The following NWD2 variants were observed in gnomAD, a reference collection of about 807,000 sequenced individuals.
NWD2 encodes the protein NACHT and WD repeat domain containing 2, also known as NACHT and WD repeat domain-containing protein 2.
NWD2 carries 37 observed loss-of-function variants against 132.7 expected under a neutral mutation model. That is an observed-to-expected ratio of 0.28 (90% CI 0.21 to 0.37). The LOEUF (loss-of-function observed/expected upper bound fraction) is 0.37, where lower values mean the gene tolerates loss of function less well. Among genes scored for constraint, NWD2 ranks in the 10% least tolerant of loss-of-function variants. NWD2 has a pLI of 1.00. For missense variants in NWD2, 1,592 were observed against 2,122.4 expected (o/e 0.75, Z 4.91); for synonymous variants, 705 against 803.0 (o/e 0.88, Z 2.06).
chr4:37,276,108 TTAAAC>T (rs1416043787), intron 1 of NWD2, among the ~76,000 whole-genome samples: 2 of 152,084 alleles, frequency 1.3e-5, no homozygotes, highest in Non-Finnish European at 2.9e-5. Context: ...TGGGATCTAA[TTAAAC>T]TAAAGAGCTT....
intron 3 of NWD2, among the ~76,000 whole-genome samples, chr4:37,367,994 A>G (rs1720135037): frequency 1.3e-5 from 2 of 151,840 alleles, no homozygotes; most frequent in South Asian, 2.1e-4. Context: ...TTCTTTATCT[A>G]CCGAAGTAGA....
chr4:37,397,440 A>G (rs937863208), intron 3 of NWD2, among the ~76,000 whole-genome samples: 2 of 152,188 alleles, frequency 1.3e-5, no homozygotes, highest in Non-Finnish European at 2.9e-5. Flanking sequence ...GGCCTCATCC[A>G]ATCAGTTGAA....
At chr4:37,355,005 A>G (rs1248709737) in intron 2 of NWD2, among the ~76,000 whole-genome samples, 1 of 152,148 alleles carries the variant, frequency 6.6e-6, no homozygotes, top group Non-Finnish European at 1.5e-5. Context: ...GAAGCTCAGT[A>G]ATTTACAACT....
Position 37,303,140 on chromosome 4 carries a change from G to A in NWD2, c.152-22796G>A, listed in dbSNP as rs560631892. 5.9e-5 allele frequency among the ~76,000 whole-genome samples: 9 copies of A among 152,112 alleles called. No individual in the cohort carries two copies. In the South Asian group the frequency reaches 8.3e-4, roughly 14 times the overall value. On this transcript the variant is annotated intron_variant, in intron 1 of 6. Coordinates refer to ENST00000309447, the MANE Select transcript of NWD2 (RefSeq NM_001144990.2). The stretch of plus-strand genomic sequence containing the variant: ...ATTTTTGTATATAGTGAGAGATGTG[G>A]GTGTAATGTTTGGTCTTCTGCATAT...
At chr4:37,261,774 A>G (rs1019393709) in intron 1 of NWD2, among the ~76,000 whole-genome samples, 3 of 152,198 alleles carry the variant, frequency 2.0e-5, no homozygotes, top group Non-Finnish European at 4.4e-5. Flanking sequence ...GTGAAGAAAA[A>G]CGAAGCAAGG....
intron 3 of NWD2, among the ~76,000 whole-genome samples, chr4:37,411,888 T>TCTCAATA (rs1721167111): frequency 6.6e-6 from 1 of 152,178 alleles, no homozygotes; most frequent in Non-Finnish European, 1.5e-5. Flanking sequence ...AAAAACCACA[T>TCTCAATA]GATTATCTCA....
intron 1 of NWD2, among the ~76,000 whole-genome samples, chr4:37,270,188 G>A (rs1717837822): frequency 6.6e-6 from 1 of 151,618 alleles, no homozygotes; most frequent in East Asian, 1.9e-4. Flanking sequence ...AATAATAGAA[G>A]TTATTTTATA....
intron 3 of NWD2, among the ~76,000 whole-genome samples, chr4:37,417,853 A>G (rs1348193885): frequency 6.6e-6 from 1 of 152,216 alleles, no homozygotes; most frequent in Non-Finnish European, 1.5e-5. Context: ...ATATTTGCTT[A>G]TGGAGAACTC....
intron 1 of NWD2, among the ~76,000 whole-genome samples, chr4:37,257,574 T>C (rs182040721): frequency 2.6e-5 from 4 of 152,318 alleles, no homozygotes; most frequent in Admixed American, 2.0e-4. Flanking sequence ...TAGGTCAGAA[T>C]TTGTTAAAAG....
chr4:37,274,178 C>G (rs555042603), intron 1 of NWD2, among the ~76,000 whole-genome samples: 2 of 151,868 alleles, frequency 1.3e-5, no homozygotes, highest in South Asian at 2.1e-4. Flanking sequence ...ATTGATAGAC[C>G]GCTAGCAAGA....
intron 3 of NWD2, among the ~76,000 whole-genome samples, chr4:37,426,365 ATAT>A (rs1712008638): frequency 6.6e-6 from 1 of 152,216 alleles, no homozygotes; most frequent in South Asian, 2.1e-4. Context: ...AGCCTGTAGC[ATAT>A]TATTACTTTT....
At chr4:37,386,951 A>T (rs1720577509) in intron 3 of NWD2, among the ~76,000 whole-genome samples, 3 of 152,198 alleles carry the variant, frequency 2.0e-5, no homozygotes, top group Admixed American at 2.0e-4. Flanking sequence ...CCAGAAGCAG[A>T]TGCTGGTGCC....
At chr4:37,428,082 G>C (rs899075272) in intron 3 of NWD2, among the ~76,000 whole-genome samples, 1 of 152,168 alleles carries the variant, frequency 6.6e-6, no homozygotes, top group Admixed American at 6.5e-5. Flanking sequence ...AACAGCTCTG[G>C]CCTCTCCCTC....
At chr4:37,332,232 TC>T (rs1330620487) in intron 2 of NWD2, among the ~76,000 whole-genome samples, 2 of 151,830 alleles carry the variant, frequency 1.3e-5, no homozygotes, top group Non-Finnish European at 2.9e-5. Flanking sequence ...GCACTACCCC[TC>T]CCCCAACCCC....
intron 2 of NWD2, among the ~76,000 whole-genome samples, chr4:37,326,819 G>A (rs1324332037): frequency 6.6e-6 from 1 of 152,140 alleles, no homozygotes; most frequent in African/African-American, 2.4e-5. Context: ...GTGCAGAAGT[G>A]CAAAATGCAC....
At position 37,430,619 on chromosome 4, in the gene NWD2, T is replaced by C. The variant is rs1221702832; in HGVS notation, c.405T>C (p.Val135=). Residue 135 remains valine, a synonymous_variant, in exon 4 of 7, where the codon GTT becomes GTC. Transcript: ENST00000309447. ...KYGNIRIPGE[V]EASEFEMILD... is the part of the protein sequence containing the mutation. ...GGAATATCCGAATCCCTGGAGAAGT[T>C]GAAGCCTCAGAGTTTGAAATGATTT... 17 of 1,551,594 alleles carry C rather than the reference T, an allele frequency of 1.1e-5. No homozygotes were observed. The highest frequency in any genetic ancestry group is 2.0e-5 in the Admixed American group (1 of 51,000).
chr4:37,435,131 G>A (rs2109327725), intron 5 of NWD2, among the ~76,000 whole-genome samples: 1 of 152,238 alleles, frequency 6.6e-6, no homozygotes, highest in African/African-American at 2.4e-5. Flanking sequence ...AGAACTGAAG[G>A]AATATGTCAG....
At chr4:37,397,706 G>A (rs553321654) in intron 3 of NWD2, among the ~76,000 whole-genome samples, 1 of 152,040 alleles carries the variant, frequency 6.6e-6, no homozygotes, top group African/African-American at 2.4e-5. Flanking sequence ...CATTGTTGAA[G>A]GAAATTGCTT....
intron 3 of NWD2, among the ~76,000 whole-genome samples, chr4:37,415,768 G>A (rs4586959): frequency 0.55 from 83,643 of 150,776 alleles, 24,189 homozygotes; most frequent in East Asian, 0.76. Flanking sequence ...CGAAAGTCCA[G>A]TTAAGGATTA....
Sources: gnomAD v4.1 joint callset for allele counts (sites outside exome capture counted in the v4.1 genomes callset) on GRCh38, gnomAD v4.1.1 for gene constraint, MANE v1.5 for transcripts, NCBI Gene and HGNC (gene_info 2026-07-23, HGNC 2026-07-21) for gene names.